Variants in FXN observed in about 807,000 individuals in gnomAD.
The protein encoded by FXN is frataxin, mitochondrial.
Under a neutral mutation model 22.4 loss-of-function variants are expected in FXN, and 14 were observed. The ratio of observed to expected loss-of-function variants is 0.62; its 90% CI spans 0.41 to 0.98. The LOEUF (loss-of-function observed/expected upper bound fraction) is 0.98, where lower values mean the gene tolerates loss of function less well. FXN is among the 50% of genes least tolerant of loss of function. FXN has a pLI of 0.00. For missense variants in FXN, 267 were observed against 268.4 expected (o/e 0.99, Z 0.04); for synonymous variants, 120 against 114.1 (o/e 1.05, Z -0.33).
chr9:69,046,397 C>G lies in FXN; in HGVS notation c.178C>G (p.Arg60Gly). ...CTPRRASSNQ[R>G]GLNQIWNVKK... is the part of the protein sequence containing the mutation. ...CTTTGGCTTTCAGAGTTCGAACCAA[C>G]GTGGCCTCAACCAGATTTGGAATGT... Residue 60 changes from arginine (R) to glycine (G), a missense_variant, in exon 2 of 5, where the codon CGT becomes GGT. Physicochemically the swap from Arg to Gly is moderately radical, Grantham distance 125. Transcript: ENST00000484259. 6.2e-7 allele frequency: 1 copy of G among 1,613,888 alleles called. No homozygotes were observed. The highest frequency in any genetic ancestry group is 8.5e-7 in the Non-Finnish European group (1 of 1,179,832).
intron 4 of FXN, among the ~76,000 whole-genome samples, chr9:69,072,231 C>T (rs1832288501): frequency 6.6e-6 from 1 of 152,194 alleles, no homozygotes; most frequent in Non-Finnish European, 1.5e-5. Context: ...TTCACCTTAA[C>T]AACTAATAAT....
intron 3 of FXN, among the ~76,000 whole-genome samples, chr9:69,063,160 C>T (rs1184344872): frequency 6.6e-6 from 1 of 152,168 alleles, no homozygotes; most frequent in Non-Finnish European, 1.5e-5. Flanking sequence ...GATCCTGCCA[C>T]TGCTGCAGCC....
In FXN at chr9:69,074,909, T is replaced by C. The variant is rs988178633; in HGVS notation, c.*2147T>C. 1.0e-6 allele frequency: 1 copy of C among 985,446 alleles called. No individual in the cohort carries two copies. Among genetic ancestry groups the C allele is most frequent in the Admixed American group, 6.1e-5 (1 of 16,288 alleles). 61.0% of individuals were successfully genotyped at this position (985,446 alleles called of 1,614,324 possible). A position where few individuals can be genotyped will look rare whatever the true frequency, so the allele number is the denominator to read the frequency against. The stretch of plus-strand genomic sequence containing the variant: ...TCATACATGTTTGTATGTGTTTGCA[T>C]CTTGCTTCTACTGAAAGTTTCAGTG... On this transcript the variant is annotated 3_prime_UTR_variant, in exon 5 of 5. Coordinates refer to ENST00000484259, the MANE Select transcript of FXN (RefSeq NM_000144.5).
chr9:69,072,833 C>A lies in FXN; in HGVS notation c.*71C>A. On this transcript the variant is annotated 3_prime_UTR_variant, in exon 5 of 5. Transcript: ENST00000484259. ...CCCAGCTTCATTATGCAGCTGAGGTCTGTTTTTTGTTGTTGTTGTTGTTTA... is the reference window on the plus strand; with the variant it reads ...CCCAGCTTCATTATGCAGCTGAGGTATGTTTTTTGTTGTTGTTGTTGTTTA... The A allele has an allele frequency of 6.3e-7, 1 of 1,587,256 alleles. No homozygotes were observed. The highest frequency in any genetic ancestry group is 1.8e-5 in the Admixed American group (1 of 56,136).
At chr9:69,042,396 G>A (rs977251827) in intron 1 of FXN, among the ~76,000 whole-genome samples, 1 of 152,120 alleles carries the variant, frequency 6.6e-6, no homozygotes, top group Non-Finnish European at 1.5e-5. Context: ...AATACCCTCA[G>A]GCTCTGTACT....
chr9:69,076,313 C>A lies in FXN; in HGVS notation c.*3551C>A, dbSNP rs1832369029. ...ATCCTGATGTGAGAAGTACTCAGTT[C>A]ATGACAACTGTTGTTCTCACATGCA... On this transcript the variant is annotated 3_prime_UTR_variant, in exon 5 of 5. Coordinates refer to ENST00000484259, the MANE Select transcript of FXN (RefSeq NM_000144.5). The A allele has an allele frequency of 1.0e-6, 1 of 984,828 alleles. No homozygotes were observed. The highest frequency in any genetic ancestry group is 1.2e-6 in the Non-Finnish European group (1 of 829,826). The allele number at this position is 984,828 out of a possible 1,614,324, so 61.0% of individuals were successfully genotyped here.
At chr9:69,067,700 G>C (rs1490361112) in intron 4 of FXN, among the ~76,000 whole-genome samples, 1 of 152,198 alleles carries the variant, frequency 6.6e-6, no homozygotes, top group African/African-American at 2.4e-5. Context: ...AAATTCTGCA[G>C]AGGCATTCAA....
At chr9:69,036,833 G>A (rs918007979) in intron 1 of FXN, among the ~76,000 whole-genome samples, 1 of 152,202 alleles carries the variant, frequency 6.6e-6, no homozygotes, top group Non-Finnish European at 1.5e-5. Flanking sequence ...TCCTCAAGGG[G>A]AGGACATGGT....
At chr9:69,036,019 G>T in intron 1 of FXN, 72 bp downstream of exon 1, 1 of 1,209,704 alleles carries the variant, frequency 8.3e-7, no homozygotes, top group Non-Finnish European at 1.0e-6. Context: ...GCGCAGGGAG[G>T]CGCCGCGCAC....
At chr9:69,036,398 T>C (rs1404120923) in intron 1 of FXN, among the ~76,000 whole-genome samples, 1 of 152,230 alleles carries the variant, frequency 6.6e-6, no homozygotes, top group Non-Finnish European at 1.5e-5. Flanking sequence ...GTGTGTGTGT[T>C]TGCGCGCACG....
Position 69,066,869 on chromosome 9 carries a change from A to AATAT in FXN, c.482+1847_482+1850dup, listed in dbSNP as rs1554762061. Among the ~76,000 whole-genome samples the AATAT allele has an allele frequency of 1.8e-3, 265 of 144,862 alleles. 1 individual carries two copies. Among genetic ancestry groups the AATAT allele is most frequent in the Middle Eastern group, 3.6e-3 (1 of 274 alleles). ...GATACTATCTTCCTCAAAAAAAAAA[A>AATAT]ATATATATATATATATGGGGGACGG... On this transcript the variant is annotated intron_variant, in intron 4 of 4. Transcript: ENST00000484259.
chr9:69,037,284 A>AAAAAGAAGACG (rs544093183), intron 1 of FXN, among the ~76,000 whole-genome samples: 1 of 78,060 alleles, frequency 1.3e-5, no homozygotes, highest in Non-Finnish European at 2.5e-5. Context: ...AAAAAAAAAA[A>AAAAAGAAGACG]AAGAAGAAGA....
intron 1 of FXN, among the ~76,000 whole-genome samples, chr9:69,037,383 T>G (rs922752261): frequency 2.6e-5 from 4 of 151,810 alleles, no homozygotes; most frequent in Non-Finnish European, 5.9e-5. Flanking sequence ...GGAGAATCGC[T>G]TGAGCCCGGG....
chr9:69,075,641 A>T lies in FXN; in HGVS notation c.*2879A>T, dbSNP rs1196020792. 1 of 985,254 alleles carries T rather than the reference A, an allele frequency of 1.0e-6. No individual in the cohort carries two copies. The highest frequency in any genetic ancestry group is 1.2e-6 in the Non-Finnish European group (1 of 829,918). 61.0% of individuals were successfully genotyped at this position (985,254 alleles called of 1,614,324 possible). ...TGTGGTCCAGTCATCCATGTGAAGG[A>T]TGAGTTTCCAGGAAAAGGTTATTAA... On this transcript the variant is annotated 3_prime_UTR_variant, in exon 5 of 5. Transcript: ENST00000484259.
At chr9:69,049,000 C>G (rs1831806815) in intron 2 of FXN, among the ~76,000 whole-genome samples, 1 of 152,200 alleles carries the variant, frequency 6.6e-6, no homozygotes, top group Non-Finnish European at 1.5e-5. Context: ...CGGCATTCCT[C>G]CCCCAGCAGA....
rs888604672 is a variant in FXN, at chr9:69,073,496, A to G, written c.*734A>G. The stretch of plus-strand genomic sequence containing the variant: ...TCCAAAGACAAGAAAAGAGGAAAAA[A>G]AGCCGTTTTCATGAGCTGAGTGATG... On this transcript the variant is annotated 3_prime_UTR_variant, in exon 5 of 5. Coordinates refer to ENST00000484259, the MANE Select transcript of FXN (RefSeq NM_000144.5). The G allele has an allele frequency of 1.3e-5, 13 of 985,386 alleles. No individual in the cohort carries two copies. The highest frequency in any genetic ancestry group is 5.2e-4 in the Middle Eastern group (1 of 1,936). 61.0% of individuals were successfully genotyped at this position (985,386 alleles called of 1,614,324 possible).
intron 2 of FXN, among the ~76,000 whole-genome samples, chr9:69,047,535 C>G (rs1831780675): frequency 6.6e-6 from 1 of 152,172 alleles, no homozygotes; most frequent in Non-Finnish European, 1.5e-5. Context: ...GCTTCAGCCT[C>G]TCGAGAGGCT....
chr9:69,063,875 G>A (rs548372260), intron 3 of FXN, among the ~76,000 whole-genome samples: 1 of 152,220 alleles, frequency 6.6e-6, no homozygotes, highest in East Asian at 1.9e-4. Flanking sequence ...GTAGAGACAG[G>A]GTTTTGCCAT....
At chr9:69,053,542 TAGATAGATA>T (rs1387933360) in intron 3 of FXN, among the ~76,000 whole-genome samples, 7 of 151,910 alleles carry the variant, frequency 4.6e-5, no homozygotes, top group South Asian at 2.1e-4. Flanking sequence ...GATAGCTGGA[TAGATAGATA>T]AGATAGATAA....
Sources: gnomAD v4.1 joint callset for allele counts (sites outside exome capture counted in the v4.1 genomes callset) on GRCh38, gnomAD v4.1.1 for gene constraint, MANE v1.5 for transcripts, NCBI Gene and HGNC (gene_info 2026-07-23, HGNC 2026-07-21) for gene names.